BRINP3: variants seen among roughly 807,000 people sequenced by gnomAD.
BRINP3 encodes the protein BMP/retinoic acid inducible neural specific 3, also known as BMP/retinoic acid-inducible neural-specific protein 3.
Under a neutral mutation model 71.0 loss-of-function variants are expected in BRINP3, and 19 were observed. The ratio of observed to expected loss-of-function variants is 0.27; its 90% CI spans 0.19 to 0.39. The LOEUF (loss-of-function observed/expected upper bound fraction) is 0.39. BRINP3 is among the 10% of genes least tolerant of loss of function. BRINP3 has a pLI of 1.00. For missense variants in BRINP3, 959 were observed against 940.8 expected, an observed-to-expected ratio of 1.02 and a Z score of -0.25; for synonymous variants, 380 against 337.7, an observed-to-expected ratio of 1.13 and a Z score of -1.37.
intron 2 of BRINP3, among the ~76,000 whole-genome samples, chr1:190,412,805 G>T (rs1672778674): frequency 6.6e-6 from 1 of 151,606 alleles, no homozygotes; most frequent in South Asian, 2.1e-4. Flanking sequence ...TACATTTTTG[G>T]TAAAAATGTT....
At chr1:190,448,401 T>C (rs1675368665) in intron 2 of BRINP3, among the ~76,000 whole-genome samples, 1 of 151,682 alleles carries the variant, frequency 6.6e-6, no homozygotes. Context: ...CATATATCAG[T>C]ACAATTGCAC....
chr1:190,321,153 G>C (rs1414621924), intron 2 of BRINP3, among the ~76,000 whole-genome samples: 1 of 152,058 alleles, frequency 6.6e-6, no homozygotes, highest in African/African-American at 2.4e-5. Flanking sequence ...CTACCATCTA[G>C]TGGTCAGAAC....
At chr1:190,242,944 T>C (rs1659247152) in intron 4 of BRINP3, among the ~76,000 whole-genome samples, 1 of 152,094 alleles carries the variant, frequency 6.6e-6, no homozygotes, top group Admixed American at 6.6e-5. Context: ...TTCACTTGTG[T>C]TTGTTACCAT....
At chr1:190,215,130 C>T (rs537450675) in intron 6 of BRINP3, among the ~76,000 whole-genome samples, 18 of 151,274 alleles carry the variant, frequency 1.2e-4, no homozygotes, top group Non-Finnish European at 2.4e-4. Flanking sequence ...CTTGCGTCTC[C>T]CCCAAATACC....
chr1:190,216,169 T>G (rs561594822), intron 6 of BRINP3, among the ~76,000 whole-genome samples: 1 of 151,920 alleles, frequency 6.6e-6, no homozygotes, highest in African/African-American at 2.4e-5. Flanking sequence ...CATGCAAAAC[T>G]GTATTTCTAG....
chr1:190,365,323 G>A (rs977490424), intron 2 of BRINP3, among the ~76,000 whole-genome samples: 5 of 151,708 alleles, frequency 3.3e-5, no homozygotes, highest in Non-Finnish European at 5.9e-5. Flanking sequence ...CATCCATTCC[G>A]TTGTATGCAC....
intron 7 of BRINP3, among the ~76,000 whole-genome samples, chr1:190,154,636 T>G (rs984160534): frequency 4.6e-5 from 7 of 152,146 alleles, no homozygotes; most frequent in Non-Finnish European, 8.8e-5. Context: ...AAAGAAATGT[T>G]TTCAAGAATG....
At chr1:190,445,628 G>A (rs1675165884) in intron 2 of BRINP3, among the ~76,000 whole-genome samples, 1 of 151,546 alleles carries the variant, frequency 6.6e-6, no homozygotes, top group African/African-American at 2.4e-5. Context: ...ACCCTTCAAA[G>A]TGCTAAAACC....
chr1:190,171,088 G>A (rs1424640842), intron 6 of BRINP3, among the ~76,000 whole-genome samples: 1 of 152,150 alleles, frequency 6.6e-6, no homozygotes, highest in African/African-American at 2.4e-5. Flanking sequence ...TGGCAGATGA[G>A]GAATCCAGAG....
At chr1:190,132,543 T>A (rs1451653341) in intron 7 of BRINP3, among the ~76,000 whole-genome samples, 1 of 152,074 alleles carries the variant, frequency 6.6e-6, no homozygotes, top group African/African-American at 2.4e-5. Flanking sequence ...ATATTCATCC[T>A]ATTCTTCATA....
At chr1:190,460,303 C>T (rs1286644312) in intron 1 of BRINP3, among the ~76,000 whole-genome samples, 1 of 150,232 alleles carries the variant, frequency 6.7e-6, no homozygotes, top group Non-Finnish European at 1.5e-5. Context: ...TGTTTAAAAT[C>T]TACAGCATTA....
At position 190,346,300 on chromosome 1, in the gene BRINP3, A is replaced by T. The variant is rs1192687545; in HGVS notation, c.237-64550T>A. Among the ~76,000 whole-genome samples, 3 of 152,108 alleles carry T rather than the reference A, an allele frequency of 2.0e-5. No individual in the cohort carries two copies. In the East Asian group the frequency reaches 5.8e-4, roughly 29 times the overall value. ...ATTTATTTATATGTGAAATATAACT[A>T]ATATAGGAAAATAATGGGAACACTC... On this transcript the variant is annotated intron_variant, in intron 2 of 7. Transcript: ENST00000367462.
chr1:190,286,466 C>T (rs917954550), intron 2 of BRINP3, among the ~76,000 whole-genome samples: 1 of 152,062 alleles, frequency 6.6e-6, no homozygotes, highest in African/African-American at 2.4e-5. Flanking sequence ...ATATGTTTGG[C>T]TTTCCCAAAA....
chr1:190,366,416 C>A (rs1034843222), intron 2 of BRINP3, among the ~76,000 whole-genome samples: 6 of 152,114 alleles, frequency 3.9e-5, no homozygotes, highest in Non-Finnish European at 8.8e-5. Context: ...AATTACTTCC[C>A]ACTGGGTCCC....
chr1:190,377,657 C>T (rs1327625276), intron 2 of BRINP3, among the ~76,000 whole-genome samples: 1 of 150,396 alleles, frequency 6.6e-6, no homozygotes. Flanking sequence ...TACACACACA[C>T]AAAGTGTTAG....
chr1:190,379,964 C>G (rs1278530204), intron 2 of BRINP3, among the ~76,000 whole-genome samples: 1 of 140,942 alleles, frequency 7.1e-6, no homozygotes, highest in African/African-American at 2.7e-5. Flanking sequence ...TGCCATTGCA[C>G]TCCCGCCTGG....
At chr1:190,399,883 G>T (rs915066487) in intron 2 of BRINP3, among the ~76,000 whole-genome samples, 5 of 151,982 alleles carry the variant, frequency 3.3e-5, no homozygotes, top group Non-Finnish European at 7.4e-5. Context: ...TGAATATACT[G>T]AAGCTCCAAT....
intron 2 of BRINP3, among the ~76,000 whole-genome samples, chr1:190,315,934 G>A (rs1665847472): frequency 6.6e-6 from 1 of 151,978 alleles, no homozygotes; most frequent in Admixed American, 6.6e-5. Flanking sequence ...GTAGATTTGT[G>A]ACAGTTTTAG....
At chr1:190,457,354 G>T (rs1248501221) in intron 1 of BRINP3, among the ~76,000 whole-genome samples, 4 of 152,118 alleles carry the variant, frequency 2.6e-5, no homozygotes, top group African/African-American at 4.8e-5. Context: ...TGAAGCACGA[G>T]AATTTCTCGA....
Sources: allele counts gnomAD v4.1 joint callset (sites outside exome capture counted in the v4.1 genomes callset), GRCh38; gene constraint gnomAD v4.1.1; transcripts MANE v1.5; gene names NCBI Gene and HGNC (gene_info 2026-07-23, HGNC 2026-07-21).